Variants in FNDC3A observed in about 807,000 individuals in gnomAD.
The protein encoded by FNDC3A is fibronectin type-III domain-containing protein 3A.
Under a neutral mutation model 148.9 loss-of-function variants are expected in FNDC3A, and 32 were observed. That is an observed-to-expected ratio of 0.21 (90% CI 0.16 to 0.29). The LOEUF (loss-of-function observed/expected upper bound fraction) is 0.29, where lower values mean the gene tolerates loss of function less well. FNDC3A is among the 10% of genes least tolerant of loss of function. The probability of loss-of-function intolerance (pLI) is 1.00; values close to 1 mark genes in which losing one functional copy is unlikely to be tolerated. For missense variants in FNDC3A, 1,191 were observed against 1,452.8 expected (o/e 0.82, Z 2.93); for synonymous variants, 472 against 473.6 (o/e 1.00, Z 0.04).
At chr13:48,992,422 T>C (rs540425812) in intron 1 of FNDC3A, among the ~76,000 whole-genome samples, 1 of 152,266 alleles carries the variant, frequency 6.6e-6, no homozygotes, top group South Asian at 2.1e-4. Context: ...CTAGAATATA[T>C]AAAGCACTAT....
chr13:49,174,568 T>C lies in FNDC3A; in HGVS notation c.1355+9T>C. ...AATGACTATGGTACAAGGTAAGGTG[T>C]ACTTTATAAAAGAATGTAAATATTT... On this transcript the variant is annotated intron_variant, in intron 12 of 25. Transcript: ENST00000492622. 3 of 1,597,624 alleles carry C rather than the reference T, an allele frequency of 1.9e-6. No homozygotes were observed. The highest frequency in any genetic ancestry group is 2.6e-6 in the Non-Finnish European group (3 of 1,171,246).
chr13:49,011,553 G>A (rs1256992796), intron 2 of FNDC3A, among the ~76,000 whole-genome samples: 1 of 152,034 alleles, frequency 6.6e-6, no homozygotes, highest in Non-Finnish European at 1.5e-5. Flanking sequence ...ATCTTTTGAT[G>A]GACAGTCTTT....
At chr13:49,100,447 G>A (rs776557385) in intron 3 of FNDC3A, among the ~76,000 whole-genome samples, 3 of 152,014 alleles carry the variant, frequency 2.0e-5, no homozygotes, top group South Asian at 2.1e-4. Flanking sequence ...TACGCTAAGC[G>A]TTATTCCCAA....
chr13:48,994,021 A>C (rs1374977818), intron 1 of FNDC3A, among the ~76,000 whole-genome samples: 1 of 152,212 alleles, frequency 6.6e-6, no homozygotes, highest in Non-Finnish European at 1.5e-5. Context: ...GATTTTTCTA[A>C]TCAAATTAAA....
chr13:48,983,129 C>T (rs1253259172), intron 1 of FNDC3A, among the ~76,000 whole-genome samples: 1 of 152,116 alleles, frequency 6.6e-6, no homozygotes, highest in South Asian at 2.1e-4. Context: ...ATGTCACACT[C>T]CCTCCCCTTT....
At chr13:49,019,326 C>T (rs989335489) in intron 2 of FNDC3A, among the ~76,000 whole-genome samples, 3 of 152,242 alleles carry the variant, frequency 2.0e-5, no homozygotes, top group East Asian at 1.9e-4. Context: ...TTAAGCCCGT[C>T]GGAAAAGCGC....
At chr13:49,122,494 G>C (rs925752041) in intron 4 of FNDC3A, among the ~76,000 whole-genome samples, 2 of 152,148 alleles carry the variant, frequency 1.3e-5, no homozygotes, top group African/African-American at 4.8e-5. Context: ...GGGAGTTCTG[G>C]CCAGGCAGTC....
chr13:49,100,562 T>G (rs1372163259), intron 3 of FNDC3A, among the ~76,000 whole-genome samples: 1 of 152,208 alleles, frequency 6.6e-6, no homozygotes, highest in Non-Finnish European at 1.5e-5. Context: ...CTTAAGACTT[T>G]TTAAAAATTC....
chr13:49,053,340 A>G (rs1325283071), intron 2 of FNDC3A, among the ~76,000 whole-genome samples: 1 of 152,244 alleles, frequency 6.6e-6, no homozygotes, highest in Non-Finnish European at 1.5e-5. Flanking sequence ...GCTGCAAGCT[A>G]GTTCTGCCTC....
At chr13:49,044,136 GA>G in intron 2 of FNDC3A, 1 of 199,504 alleles carries the variant, frequency 5.0e-6, no homozygotes, top group East Asian at 1.2e-4. Context: ...TCCTTGGGAT[GA>G]AAAGGGCTGA....
At chr13:49,074,919 C>G (rs1877991846) in intron 2 of FNDC3A, among the ~76,000 whole-genome samples, 1 of 152,156 alleles carries the variant, frequency 6.6e-6, no homozygotes, top group Non-Finnish European at 1.5e-5. Context: ...ATATGCTCAA[C>G]TCATGCTCTA....
chr13:49,088,531 T>C (rs1878964395), intron 3 of FNDC3A, among the ~76,000 whole-genome samples: 1 of 152,234 alleles, frequency 6.6e-6, no homozygotes, highest in African/African-American at 2.4e-5. Flanking sequence ...GTAGCCAGAA[T>C]GAGTGGTCAA....
intron 8 of FNDC3A, among the ~76,000 whole-genome samples, chr13:49,161,987 G>A (rs1256034633): frequency 6.6e-6 from 1 of 152,186 alleles, no homozygotes; most frequent in East Asian, 1.9e-4. Context: ...CTGTTAGTCT[G>A]ATGGGCTTCC....
At chr13:49,182,235 C>T (rs1254181217) in intron 14 of FNDC3A, among the ~76,000 whole-genome samples, 1 of 151,982 alleles carries the variant, frequency 6.6e-6, no homozygotes, top group Admixed American at 6.6e-5. Context: ...TCAATCCTCC[C>T]ACCTCAGCCT....
chr13:49,097,580 A>G (rs1161619077), intron 3 of FNDC3A, among the ~76,000 whole-genome samples: 1 of 152,002 alleles, frequency 6.6e-6, no homozygotes, highest in Non-Finnish European at 1.5e-5. Flanking sequence ...TACAACATAA[A>G]CTAACAGGAA....
intron 10 of FNDC3A, among the ~76,000 whole-genome samples, chr13:49,170,163 T>TAC (rs1326039519): frequency 6.6e-6 from 1 of 152,130 alleles, no homozygotes; most frequent in Non-Finnish European, 1.5e-5. Context: ...TGACCCTATA[T>TAC]ACACACACAG....
At chr13:49,101,794 G>GTTTTTTT (rs570292116) in intron 3 of FNDC3A, among the ~76,000 whole-genome samples, 2 of 103,368 alleles carry the variant, frequency 1.9e-5, no homozygotes, top group Admixed American at 9.6e-5. Flanking sequence ...ACCTGCTTTA[G>GTTTTTTT]TTTTTTTTTT....
At chr13:49,024,790 G>T (rs1873579337) in intron 2 of FNDC3A, among the ~76,000 whole-genome samples, 1 of 151,910 alleles carries the variant, frequency 6.6e-6, no homozygotes, top group Non-Finnish European at 1.5e-5. Context: ...GCTGAATGGG[G>T]AAAAGCCGAA....
At chr13:49,181,109 G>T (rs1885279699) in intron 14 of FNDC3A, among the ~76,000 whole-genome samples, 1 of 152,130 alleles carries the variant, frequency 6.6e-6, no homozygotes, top group Admixed American at 6.6e-5. Context: ...TAATTAAAGT[G>T]TGTTTCACTA....
Sources: allele counts gnomAD v4.1 joint callset (sites outside exome capture counted in the v4.1 genomes callset), GRCh38; gene constraint gnomAD v4.1.1; transcripts MANE v1.5; gene names NCBI Gene and HGNC (gene_info 2026-07-23, HGNC 2026-07-21).